The following ENTREP2 variants were observed in gnomAD, a reference collection of about 807,000 sequenced individuals.
ENTREP2 encodes protein ENTREP2.
At chr15:29,497,655 TTTTA>T in the ENTREP2 span, among the ~76,000 whole-genome samples, 12 of 152,124 alleles carry the variant, frequency 7.9e-5, no homozygotes, top group South Asian at 1.4e-3. Context: ...TCATTTCTGA[TTTTA>T]TTTTAGTCTT....
At chr15:29,237,695 A>T in the ENTREP2 span, among the ~76,000 whole-genome samples, 2 of 152,206 alleles carry the variant, frequency 1.3e-5, no homozygotes, top group African/African-American at 4.8e-5. Flanking sequence ...TGGAACCCTC[A>T]CGCGTTGCTG....
At chr15:29,377,306 C>T in the ENTREP2 span, among the ~76,000 whole-genome samples, 1 of 152,072 alleles carries the variant, frequency 6.6e-6, no homozygotes, top group Non-Finnish European at 1.5e-5. Flanking sequence ...ATTTTGTGGT[C>T]CCTGGGAAAC....
At chr15:29,559,825 G>T in the ENTREP2 span, among the ~76,000 whole-genome samples, 6 of 152,146 alleles carry the variant, frequency 3.9e-5, no homozygotes, top group African/African-American at 1.4e-4. Context: ...GTCCCTTTTT[G>T]CCATGTGAGA....
At chr15:29,566,576 C>A in the ENTREP2 span, among the ~76,000 whole-genome samples, 1 of 152,136 alleles carries the variant, frequency 6.6e-6, no homozygotes, top group Non-Finnish European at 1.5e-5. Context: ...CCTGCCTCAG[C>A]CTCCCAAGTA....
At chr15:29,486,068 A>T in the ENTREP2 span, among the ~76,000 whole-genome samples, 5 of 152,232 alleles carry the variant, frequency 3.3e-5, no homozygotes, top group Admixed American at 1.3e-4. Flanking sequence ...TCCCATGTTC[A>T]TTACAGCACT....
chr15:29,179,585 T>TC, the ENTREP2 span, among the ~76,000 whole-genome samples: 1 of 149,792 alleles, frequency 6.7e-6, no homozygotes, highest in Non-Finnish European at 1.5e-5. Flanking sequence ...GAGTCGTCTT[T>TC]TTTTTTTTTT....
the ENTREP2 span, among the ~76,000 whole-genome samples, chr15:29,537,113 T>G: frequency 3.3e-5 from 5 of 152,352 alleles, no homozygotes; most frequent in African/African-American, 1.2e-4. Flanking sequence ...ATGTATACTA[T>G]GTAAATTAAT....
chr15:29,344,496 C>T, the ENTREP2 span, among the ~76,000 whole-genome samples: 8 of 152,156 alleles, frequency 5.3e-5, no homozygotes, highest in South Asian at 1.5e-3. Flanking sequence ...ATAGAAGGGT[C>T]TTTACTTTTA....
chr15:29,213,726 C>T, the ENTREP2 span, among the ~76,000 whole-genome samples: 1 of 151,988 alleles, frequency 6.6e-6, no homozygotes, highest in Non-Finnish European at 1.5e-5. Context: ...ACTATCACAG[C>T]AAAAGAAACT....
the ENTREP2 span, among the ~76,000 whole-genome samples, chr15:29,477,901 C>T: frequency 6.6e-6 from 1 of 150,912 alleles, no homozygotes; most frequent in Non-Finnish European, 1.5e-5. Context: ...CTCTGTGAAT[C>T]ACTGTCCAGC....
the ENTREP2 span, among the ~76,000 whole-genome samples, chr15:29,325,556 C>T: frequency 6.6e-6 from 1 of 152,214 alleles, no homozygotes; most frequent in East Asian, 1.9e-4. Flanking sequence ...ACAAGGAGAA[C>T]TAGATCGTCT....
the ENTREP2 span, among the ~76,000 whole-genome samples, chr15:29,476,176 A>G: frequency 6.6e-6 from 1 of 152,228 alleles, no homozygotes; most frequent in Non-Finnish European, 1.5e-5. Flanking sequence ...ATTCTTTTCT[A>G]TCCCCCCAAA....
chr15:29,625,658 G>A, the ENTREP2 span, among the ~76,000 whole-genome samples: 1 of 151,338 alleles, frequency 6.6e-6, no homozygotes, highest in East Asian at 2.0e-4. Flanking sequence ...GCCTCCCAAA[G>A]TGCTGGGATT....
At chr15:29,256,567 T>A in the ENTREP2 span, among the ~76,000 whole-genome samples, 1 of 152,234 alleles carries the variant, frequency 6.6e-6, no homozygotes, top group Non-Finnish European at 1.5e-5. Flanking sequence ...TATTTCTTTT[T>A]ATTCTTACAT....
chr15:29,293,209 T>A, the ENTREP2 span, among the ~76,000 whole-genome samples: 2 of 151,826 alleles, frequency 1.3e-5, no homozygotes. Flanking sequence ...TTGTAAGTGA[T>A]AGAAACTCAA....
At chr15:29,609,028 C>T in the ENTREP2 span, among the ~76,000 whole-genome samples, 1 of 151,136 alleles carries the variant, frequency 6.6e-6, no homozygotes, top group South Asian at 2.1e-4. Context: ...CACCCCCTTG[C>T]TTTCTAACTT....
At chr15:29,198,507 T>C in the ENTREP2 span, among the ~76,000 whole-genome samples, 2 of 152,262 alleles carry the variant, frequency 1.3e-5, no homozygotes, top group African/African-American at 2.4e-5. Context: ...TTTTTGTCCA[T>C]GCAGTAACTA....
the ENTREP2 span, chr15:29,128,669 G>A: frequency 1.3e-6 from 1 of 798,840 alleles, no homozygotes; most frequent in Non-Finnish European, 2.2e-6. Flanking sequence ...TAAAGAGTAA[G>A]AAATGGAGGG....
the ENTREP2 span, among the ~76,000 whole-genome samples, chr15:29,513,430 T>A: frequency 6.6e-6 from 1 of 152,202 alleles, no homozygotes; most frequent in Non-Finnish European, 1.5e-5. Context: ...TTGAAAACCA[T>A]TGGTCAACAT....
Sources: allele counts gnomAD v4.1 joint callset (sites outside exome capture counted in the v4.1 genomes callset), GRCh38; gene constraint gnomAD v4.1.1; transcripts MANE v1.5; gene names NCBI Gene and HGNC (gene_info 2026-07-23, HGNC 2026-07-21).